Variants in GPC5 observed in about 807,000 individuals in gnomAD.
GPC5 encodes the protein glypican-5.
In GPC5, 47 loss-of-function variants were observed where a neutral mutation model predicts 53.9. That is an observed-to-expected ratio of 0.87 (90% CI 0.69 to 1.11). The LOEUF (loss-of-function observed/expected upper bound fraction) is 1.11, where lower values mean the gene tolerates loss of function less well. Among genes scored for constraint, GPC5 ranks in the 50% most tolerant of loss-of-function variants. The pLI is 0.00. For synonymous variants in GPC5, 286 were observed against 263.3 expected, an observed-to-expected ratio of 1.09 and a Z score of -0.84; for missense variants, 748 against 713.1, an observed-to-expected ratio of 1.05 and a Z score of -0.56.
chr13:92,212,996 C>G (rs7333645), intron 7 of GPC5, among the ~76,000 whole-genome samples: 2,510 of 152,292 alleles, frequency 0.016, 51 homozygotes, highest in Middle Eastern at 0.048. Flanking sequence ...AGAGTTTTCT[C>G]TTGGCTGCAG....
chr13:92,184,446 A>T (rs769174781), intron 7 of GPC5, among the ~76,000 whole-genome samples: 43 of 152,144 alleles, frequency 2.8e-4, no homozygotes, highest in Non-Finnish European at 5.0e-4. Context: ...TTTAGGGAGT[A>T]GCCCCCTCTC....
At chr13:91,667,847 T>C (rs1212578276) in intron 2 of GPC5, among the ~76,000 whole-genome samples, 2 of 152,136 alleles carry the variant, frequency 1.3e-5, no homozygotes, top group African/African-American at 4.8e-5. Context: ...CCATGATGCC[T>C]AGAGAACTAG....
chr13:91,718,836 A>G (rs462954), intron 3 of GPC5, among the ~76,000 whole-genome samples: 24,119 of 151,968 alleles, frequency 0.16, 2,216 homozygotes, highest in East Asian at 0.35. Context: ...GGCTTATAGC[A>G]TTTCTTTGGC....
At chr13:92,742,065 A>G (rs1889112734) in intron 7 of GPC5, among the ~76,000 whole-genome samples, 1 of 151,884 alleles carries the variant, frequency 6.6e-6, no homozygotes, top group South Asian at 2.1e-4. Flanking sequence ...GTGTCTTTAT[A>G]GCAGCATGAT....
At chr13:92,129,846 C>T (rs1445273622) in intron 6 of GPC5, among the ~76,000 whole-genome samples, 1 of 152,034 alleles carries the variant, frequency 6.6e-6, no homozygotes, top group Non-Finnish European at 1.5e-5. Flanking sequence ...ACAGTCAAAA[C>T]ATCTACTATA....
At chr13:92,487,893 G>C (rs1052942987) in intron 7 of GPC5, among the ~76,000 whole-genome samples, 2 of 151,224 alleles carry the variant, frequency 1.3e-5, no homozygotes, top group African/African-American at 4.9e-5. Flanking sequence ...CAGGCCAGGA[G>C]AGCAGATCCC....
intron 7 of GPC5, among the ~76,000 whole-genome samples, chr13:92,808,089 T>C (rs1877165699): frequency 1.3e-5 from 2 of 152,064 alleles, no homozygotes; most frequent in Admixed American, 6.6e-5. Flanking sequence ...AGTCTAACAT[T>C]TCCAACAGTA....
intron 2 of GPC5, among the ~76,000 whole-genome samples, chr13:91,539,790 G>A (rs1191179782): frequency 6.6e-6 from 1 of 152,010 alleles, no homozygotes; most frequent in Non-Finnish European, 1.5e-5. Context: ...TGTTCAGTAT[G>A]TGTCAAATAG....
At position 92,133,022 on chromosome 13, in the gene GPC5, T is replaced by C. The variant is rs9589440; in HGVS notation, c.1402-11808T>C. On this transcript the variant is annotated intron_variant, in intron 6 of 7. Coordinates refer to ENST00000377067, the MANE Select transcript of GPC5 (RefSeq NM_004466.6). Reference sequence around the variant, plus strand: ...ATTTTTTTTTGGATGAGACATTTATTAGTCTCAACAAGATTGATTTTCTTT... The same window carrying C: ...ATTTTTTTTTGGATGAGACATTTATCAGTCTCAACAAGATTGATTTTCTTT... Among the ~76,000 whole-genome samples, 844 of 152,228 alleles carry C rather than the reference T, an allele frequency of 5.5e-3. 16 individuals carry two copies. Among genetic ancestry groups the C allele is most frequent in the African/African-American group, 0.019 (803 of 41,564 alleles).
chr13:91,647,070 C>CGTGTGTGTGT, intron 2 of GPC5, among the ~76,000 whole-genome samples: 1 of 144,122 alleles, frequency 6.9e-6, no homozygotes, highest in Non-Finnish European at 1.5e-5. Context: ...TATATATATG[C>CGTGTGTGTGT]GTGTGTGTGT....
At chr13:91,866,413 T>C (rs1050645542) in intron 5 of GPC5, among the ~76,000 whole-genome samples, 1 of 152,156 alleles carries the variant, frequency 6.6e-6, no homozygotes, top group Non-Finnish European at 1.5e-5. Context: ...GGTGTTTTTT[T>C]CCCAAAGGTG....
chr13:91,842,826 T>C (rs1467908238), intron 5 of GPC5, among the ~76,000 whole-genome samples: 1 of 152,092 alleles, frequency 6.6e-6, no homozygotes, highest in Non-Finnish European at 1.5e-5. Flanking sequence ...AGGCAAATAT[T>C]GAAAATGAGA....
intron 7 of GPC5, among the ~76,000 whole-genome samples, chr13:92,261,452 C>A (rs976915359): frequency 1.3e-5 from 2 of 151,906 alleles, no homozygotes; most frequent in Non-Finnish European, 2.9e-5. Flanking sequence ...GGATTGGTAG[C>A]TCTTGGTGTA....
chr13:92,691,520 C>G (rs893524600), intron 7 of GPC5, among the ~76,000 whole-genome samples: 2 of 151,342 alleles, frequency 1.3e-5, no homozygotes, highest in South Asian at 2.1e-4. Flanking sequence ...AGAAATCACC[C>G]GTCTTCTGCG....
chr13:92,540,902 T>A (rs544100773), intron 7 of GPC5, among the ~76,000 whole-genome samples: 1 of 152,004 alleles, frequency 6.6e-6, no homozygotes, highest in East Asian at 1.9e-4. Flanking sequence ...CAGTGTTACC[T>A]CATTGGGTGA....
intron 7 of GPC5, among the ~76,000 whole-genome samples, chr13:92,481,524 C>T (rs921154325): frequency 2.0e-5 from 3 of 152,214 alleles, no homozygotes; most frequent in Non-Finnish European, 2.9e-5. Context: ...ACTTTGTATC[C>T]GGAAAGCAAA....
intron 6 of GPC5, among the ~76,000 whole-genome samples, chr13:92,050,865 G>A (rs1485954019): frequency 6.6e-6 from 1 of 152,146 alleles, no homozygotes; most frequent in Non-Finnish European, 1.5e-5. Context: ...AAGAAATATT[G>A]CACATGCCGT....
At chr13:92,199,050 T>A (rs150097290) in intron 7 of GPC5, among the ~76,000 whole-genome samples, 2 of 152,314 alleles carry the variant, frequency 1.3e-5, no homozygotes, top group East Asian at 3.9e-4. Context: ...AAAAATAATT[T>A]GCCACTAACT....
chr13:91,592,166 C>T (rs2032823154), intron 2 of GPC5, among the ~76,000 whole-genome samples: 1 of 152,130 alleles, frequency 6.6e-6, no homozygotes, highest in Non-Finnish European at 1.5e-5. Flanking sequence ...TATGGCTGAA[C>T]GCTTGTCCTT....
Sources: gnomAD v4.1 joint callset for allele counts (sites outside exome capture counted in the v4.1 genomes callset) on GRCh38, gnomAD v4.1.1 for gene constraint, MANE v1.5 for transcripts, NCBI Gene and HGNC (gene_info 2026-07-23, HGNC 2026-07-21) for gene names.